LNX1: variants seen among roughly 807,000 people sequenced by gnomAD.
LNX1 encodes E3 ubiquitin-protein ligase LNX.
Under a neutral mutation model 68.4 loss-of-function variants are expected in LNX1, and 54 were observed. The observed-to-expected ratio is 0.79, with a 90% confidence interval of 0.63 to 0.99. The LOEUF (loss-of-function observed/expected upper bound fraction) is 0.99, where lower values mean the gene tolerates loss of function less well. Ranked by LOEUF, LNX1 falls within the 50% of genes least tolerant of loss-of-function variation. LNX1 has a pLI of 0.00. For synonymous variants in LNX1, 336 were observed against 350.0 expected (o/e 0.96, Z 0.45); for missense variants, 906 against 926.4 (o/e 0.98, Z 0.29).
chr4:53,469,018 C>T (rs1317780521), intron 9 of LNX1, among the ~76,000 whole-genome samples: 1 of 152,216 alleles, frequency 6.6e-6, no homozygotes, highest in Non-Finnish European at 1.5e-5. Context: ...ACTCTCCACC[C>T]TAAATCAACA....
intron 1 of LNX1, among the ~76,000 whole-genome samples, chr4:53,626,614 A>T (rs1734085314): frequency 1.3e-5 from 2 of 152,230 alleles, no homozygotes; most frequent in Non-Finnish European, 2.9e-5. Flanking sequence ...ATGAATGCTG[A>T]CAAAATTGGG....
intron 9 of LNX1, among the ~76,000 whole-genome samples, chr4:53,472,897 G>C (rs1362794661): frequency 3.3e-5 from 5 of 152,074 alleles, no homozygotes; most frequent in African/African-American, 9.7e-5. Context: ...AGGCTAAGGT[G>C]AAATAACCCT....
At chr4:53,514,342 G>C (rs1726585900) in intron 2 of LNX1, among the ~76,000 whole-genome samples, 1 of 152,270 alleles carries the variant, frequency 6.6e-6, no homozygotes, top group East Asian at 1.9e-4. Context: ...TTTTTACACT[G>C]CCAATAAAGA....
At chr4:53,584,950 C>A (rs1732071733) in intron 1 of LNX1, among the ~76,000 whole-genome samples, 1 of 152,192 alleles carries the variant, frequency 6.6e-6, no homozygotes, top group Non-Finnish European at 1.5e-5. Flanking sequence ...TTAAAGACAG[C>A]ATTGGGTGGT....
At chr4:53,468,232 C>A (rs947787228) in intron 9 of LNX1, among the ~76,000 whole-genome samples, 1 of 152,146 alleles carries the variant, frequency 6.6e-6, no homozygotes, top group African/African-American at 2.4e-5. Flanking sequence ...ATTTCATATC[C>A]AGCCAAAATA....
At chr4:53,552,314 C>A (rs1364620365) in intron 2 of LNX1, among the ~76,000 whole-genome samples, 1 of 152,140 alleles carries the variant, frequency 6.6e-6, no homozygotes, top group African/African-American at 2.4e-5. Flanking sequence ...AGACTTTGTA[C>A]CACAGGCAAG....
At chr4:53,467,031 G>A (rs953705706) in intron 9 of LNX1, among the ~76,000 whole-genome samples, 24 of 152,156 alleles carry the variant, frequency 1.6e-4, no homozygotes, top group Admixed American at 7.2e-4. Flanking sequence ...ATCTGAGAAC[G>A]GGCAGACTGC....
intron 6 of LNX1, among the ~76,000 whole-genome samples, chr4:53,487,627 A>G (rs1249859963): frequency 1.3e-5 from 2 of 152,284 alleles, no homozygotes; most frequent in Middle Eastern, 3.4e-3. Context: ...GACCATGTAC[A>G]TAGCTTCCTT....
chr4:53,547,042 C>T (rs1333768902), intron 2 of LNX1, among the ~76,000 whole-genome samples: 1 of 152,218 alleles, frequency 6.6e-6, no homozygotes, highest in Non-Finnish European at 1.5e-5. Flanking sequence ...GTTACAGCAA[C>T]TCCAGTTTCT....
intron 2 of LNX1, among the ~76,000 whole-genome samples, chr4:53,510,392 T>G (rs1726240148): frequency 6.6e-6 from 1 of 152,212 alleles, no homozygotes; most frequent in South Asian, 2.1e-4. Flanking sequence ...TTAATATTAG[T>G]AGAAAAGGAG....
intron 2 of LNX1, among the ~76,000 whole-genome samples, chr4:53,564,850 G>A (rs1210503390): frequency 6.6e-6 from 1 of 152,230 alleles, no homozygotes; most frequent in Non-Finnish European, 1.5e-5. Context: ...AGGAGTCAGG[G>A]AGTTAGTTCC....
chr4:53,464,873 T>C (rs978572631), intron 9 of LNX1, among the ~76,000 whole-genome samples: 1 of 152,070 alleles, frequency 6.6e-6, no homozygotes, highest in Non-Finnish European at 1.5e-5. Context: ...TACTATAGAG[T>C]CAAATTTAAA....
upstream of LNX1, among the ~76,000 whole-genome samples, chr4:53,595,209 C>T (rs538888910): frequency 6.6e-6 from 1 of 152,050 alleles, no homozygotes; most frequent in Admixed American, 6.6e-5. Context: ...CAGGAATGAT[C>T]ATAGCAGATA....
intron 2 of LNX1, among the ~76,000 whole-genome samples, chr4:53,600,633 T>C (rs1424422559): frequency 6.6e-6 from 1 of 152,164 alleles, no homozygotes; most frequent in Non-Finnish European, 1.5e-5. Flanking sequence ...GGAAGTTCAT[T>C]TGACTTTTCT....
intron 4 of LNX1, among the ~76,000 whole-genome samples, chr4:53,505,701 G>T (rs1184327388): frequency 6.6e-6 from 1 of 152,186 alleles, no homozygotes; most frequent in Non-Finnish European, 1.5e-5. Flanking sequence ...TAGGCCTTAA[G>T]AACAAAGATT....
intron 2 of LNX1, among the ~76,000 whole-genome samples, chr4:53,520,976 A>AC (rs1390879993): frequency 7.9e-5 from 12 of 152,256 alleles, no homozygotes; most frequent in Admixed American, 7.2e-4. Context: ...AAACAAAAAA[A>AC]CCCCAAATTA....
At chr4:53,575,405 GA>G in intron 1 of LNX1, 1 of 662,964 alleles carries the variant, frequency 1.5e-6, no homozygotes, top group Non-Finnish European at 1.9e-6. Context: ...CTCTTGCGTA[GA>G]AAGTCAATAA....
At chr4:53,604,599 G>T (rs1196990612) in intron 2 of LNX1, among the ~76,000 whole-genome samples, 2 of 152,230 alleles carry the variant, frequency 1.3e-5, no homozygotes, top group Non-Finnish European at 2.9e-5. Flanking sequence ...ATGTCCAAAG[G>T]CTGTGCAGGG....
rs1427209015 is a variant in LNX1, at chr4:53,634,393, GCTGCCAGAC to G, written c.-215+17766_-215+17774del. Among the ~76,000 whole-genome samples, 4 of 151,714 alleles carry G rather than the reference GCTGCCAGAC, an allele frequency of 2.6e-5. No individual in the cohort carries two copies. In the East Asian group the frequency reaches 7.8e-4, roughly 30 times the overall value. ...CGAGTAGCTGGGACTACAGGTGCAC[GCTGCCAGAC>G]CTGGCTAACTTTTTGTATTTTAGTA... is the stretch of plus-strand genomic sequence containing the variant. On this transcript the variant is annotated intron_variant, in intron 1 of 2. Coordinates refer to the LNX1 transcript ENST00000507168.
Sources: allele counts gnomAD v4.1 joint callset (sites outside exome capture counted in the v4.1 genomes callset), GRCh38; gene constraint gnomAD v4.1.1; transcripts MANE v1.5; gene names NCBI Gene and HGNC (gene_info 2026-07-23, HGNC 2026-07-21).